The following LSAMP variants were observed in gnomAD, a reference collection of about 807,000 sequenced individuals.
The protein encoded by LSAMP is limbic system-associated membrane protein.
A neutral mutation model predicts 38.6 loss-of-function variants in LSAMP; 7 were observed. That is an observed-to-expected ratio of 0.18 (90% CI 0.10 to 0.34). The LOEUF is 0.34. LSAMP is among the 10% of genes least tolerant of loss of function. The probability of loss-of-function intolerance (pLI) is 1.00; values close to 1 mark genes in which losing one functional copy is unlikely to be tolerated. For missense variants in LSAMP, 313 were observed against 420.0 expected (o/e 0.75, Z 2.23); for synonymous variants, 154 against 166.8 (o/e 0.92, Z 0.59).
At chr3:116,209,549 T>A (rs891864870) in intron 1 of LSAMP, among the ~76,000 whole-genome samples, 2 of 152,174 alleles carry the variant, frequency 1.3e-5, no homozygotes, top group South Asian at 4.1e-4. Context: ...CAAATTGATA[T>A]GTTTTGTGTA....
intron 1 of LSAMP, among the ~76,000 whole-genome samples, chr3:116,114,872 G>A (rs1708707717): frequency 6.6e-6 from 1 of 152,184 alleles, no homozygotes; most frequent in South Asian, 2.1e-4. Context: ...GGGATGCAAA[G>A]TCCCCTACAT....
At chr3:116,155,966 T>G (rs1196774231) in intron 1 of LSAMP, among the ~76,000 whole-genome samples, 1 of 152,138 alleles carries the variant, frequency 6.6e-6, no homozygotes, top group Non-Finnish European at 1.5e-5. Flanking sequence ...TGAGCCAAGT[T>G]CTTCCCTGGT....
At chr3:115,900,197 A>C (rs961821757) in intron 3 of LSAMP, among the ~76,000 whole-genome samples, 1 of 152,128 alleles carries the variant, frequency 6.6e-6, no homozygotes, top group Non-Finnish European at 1.5e-5. Flanking sequence ...GGCAGGACAA[A>C]ACTAAGAGCT....
intron 2 of LSAMP, among the ~76,000 whole-genome samples, chr3:116,021,113 G>A (rs1940626823): frequency 6.6e-6 from 1 of 152,076 alleles, no homozygotes; most frequent in African/African-American, 2.4e-5. Context: ...AGGGCCTCTG[G>A]GTAGGGGACT....
intron 1 of LSAMP, among the ~76,000 whole-genome samples, chr3:116,131,614 C>T (rs924323724): frequency 2.6e-5 from 4 of 152,042 alleles, no homozygotes; most frequent in African/African-American, 4.8e-5. Flanking sequence ...TAAAGCAAGG[C>T]GTAGAAAAAG....
intron 1 of LSAMP, among the ~76,000 whole-genome samples, chr3:116,327,167 A>G (rs1334122543): frequency 1.3e-5 from 2 of 152,268 alleles, no homozygotes; most frequent in African/African-American, 2.4e-5. Context: ...TACATTTCCA[A>G]TAAACTCAAG....
intron 6 of LSAMP, among the ~76,000 whole-genome samples, chr3:115,837,673 T>A (rs964056842): frequency 6.6e-6 from 1 of 151,998 alleles, no homozygotes; most frequent in African/African-American, 2.4e-5. Context: ...GAAAAAAAAA[T>A]AGATTCTGCT....
intron 3 of LSAMP, among the ~76,000 whole-genome samples, chr3:115,889,628 A>G (rs1936545164): frequency 6.6e-6 from 1 of 151,956 alleles, no homozygotes; most frequent in Non-Finnish European, 1.5e-5. Flanking sequence ...TATCAGCGGA[A>G]TGACCTTTGA....
chr3:116,302,646 G>GTGTT (rs2047425565), intron 1 of LSAMP, among the ~76,000 whole-genome samples: 2 of 152,136 alleles, frequency 1.3e-5, no homozygotes, highest in South Asian at 2.1e-4. Flanking sequence ...GTTTTATCAC[G>GTGTT]TGTTTGCTTT....
intron 3 of LSAMP, among the ~76,000 whole-genome samples, chr3:115,962,567 G>T (rs928129073): frequency 6.6e-6 from 1 of 152,150 alleles, no homozygotes; most frequent in African/African-American, 2.4e-5. Context: ...AACTGTGTAT[G>T]CTCAAGAGGG....
Position 116,445,217 on chromosome 3 carries a change from AC to A in LSAMP, c.-187del, listed in dbSNP as rs748771265. 131 of 608,424 alleles carry A rather than the reference AC, an allele frequency of 2.2e-4. 1 individual carries two copies. The highest frequency in any genetic ancestry group is 9.3e-5 in the Non-Finnish European group (32 of 345,692). The allele number at this position is 608,424 out of a possible 1,614,324, so 37.7% of individuals were successfully genotyped here. ...CAGTCTCTTTTCCCTCTAAGACTTA[AC>A]AAAGCCCTCATAAAACCCAAGCAGA... On this transcript the variant is annotated 5_prime_UTR_variant, in exon 1 of 7. It introduces an in-frame stop codon into an upstream open reading frame of the 5' UTR. Transcript: ENST00000490035.
intron 6 of LSAMP, among the ~76,000 whole-genome samples, chr3:115,823,357 T>G (rs1934308247): frequency 6.6e-6 from 1 of 152,196 alleles, no homozygotes; most frequent in Non-Finnish European, 1.5e-5. Context: ...TGCTATAACC[T>G]TGAACGAATA....
chr3:116,025,468 C>G (rs568961853), intron 2 of LSAMP, among the ~76,000 whole-genome samples: 1 of 151,944 alleles, frequency 6.6e-6, no homozygotes, highest in Non-Finnish European at 1.5e-5. Context: ...ATCTATTGAT[C>G]GCTCTTTTGT....
intron 1 of LSAMP, among the ~76,000 whole-genome samples, chr3:116,422,899 T>A (rs2049146922): frequency 6.6e-6 from 1 of 152,226 alleles, no homozygotes; most frequent in African/African-American, 2.4e-5. Context: ...ATAATCTGTT[T>A]ATTTTCAACT....
intron 3 of LSAMP, among the ~76,000 whole-genome samples, chr3:115,973,193 G>C (rs1173979561): frequency 1.3e-5 from 2 of 152,124 alleles, no homozygotes; most frequent in Admixed American, 6.5e-5. Flanking sequence ...TTTGGGGTAG[G>C]AGAATTACAT....
intron 3 of LSAMP, among the ~76,000 whole-genome samples, chr3:115,884,688 A>G (rs1363916738): frequency 6.6e-6 from 1 of 152,046 alleles, no homozygotes; most frequent in Non-Finnish European, 1.5e-5. Flanking sequence ...CAACAAGTTT[A>G]CAAATACGAG....
chr3:115,939,587 T>TCTTTCTTTCTTTCTCTTTCTTTCTTTC (rs1553751094), intron 3 of LSAMP, among the ~76,000 whole-genome samples: 1 of 151,240 alleles, frequency 6.6e-6, no homozygotes, highest in Admixed American at 6.6e-5. Context: ...TTTCTTTCTG[T>TCTTTCTTTCTTTCTCTTTCTTTCTTTC]TAAGAGACAG....
chr3:115,870,278 T>C (rs558785727), intron 3 of LSAMP, among the ~76,000 whole-genome samples: 58 of 152,218 alleles, frequency 3.8e-4, no homozygotes, highest in African/African-American at 1.3e-3. Flanking sequence ...AGCTCTAACA[T>C]GCAAGTCTGA....
intron 1 of LSAMP, among the ~76,000 whole-genome samples, chr3:116,097,585 T>G (rs1708252094): frequency 6.6e-6 from 1 of 152,178 alleles, no homozygotes; most frequent in Non-Finnish European, 1.5e-5. Flanking sequence ...ATAATAAGTA[T>G]GTAAGCCCAT....
Sources: allele counts gnomAD v4.1 joint callset (sites outside exome capture counted in the v4.1 genomes callset), GRCh38; gene constraint gnomAD v4.1.1; transcripts MANE v1.5; gene names NCBI Gene and HGNC (gene_info 2026-07-23, HGNC 2026-07-21).